MSRA: variants seen among roughly 807,000 people sequenced by gnomAD.
MSRA encodes mitochondrial peptide methionine sulfoxide reductase.
In MSRA, 54 loss-of-function variants were observed where a neutral mutation model predicts 31.3. The ratio of observed to expected loss-of-function variants is 1.73; its 90% confidence interval spans 1.39 to 2.17. The LOEUF is 2.17. MSRA is among the 30% of genes most tolerant of loss of function. The probability of loss-of-function intolerance (pLI) is 0.00; values close to 1 mark genes in which losing one functional copy is unlikely to be tolerated. For synonymous variants in MSRA, 169 were observed against 116.5 expected (o/e 1.45, Z -2.90); for missense variants, 507 against 300.9 (o/e 1.69, Z -5.07).
chr8:10,386,166 G>T (rs1475509113), intron 5 of MSRA, among the ~76,000 whole-genome samples: 2 of 152,146 alleles, frequency 1.3e-5, no homozygotes, highest in Admixed American at 6.5e-5. Flanking sequence ...TTCTTATGCA[G>T]TTCTCTGAGA....
At chr8:10,351,402 C>T (rs889328182) in intron 5 of MSRA, among the ~76,000 whole-genome samples, 7 of 151,880 alleles carry the variant, frequency 4.6e-5, no homozygotes, top group South Asian at 2.1e-4. Context: ...CACAGGCATG[C>T]GCCACCACGC....
chr8:10,417,994 T>C (rs1255925894), intron 5 of MSRA, among the ~76,000 whole-genome samples: 1 of 152,152 alleles, frequency 6.6e-6, no homozygotes, highest in Non-Finnish European at 1.5e-5. Context: ...AAAGCAGCTG[T>C]GCTGGCTCCC....
chr8:10,266,607 GTT>G (rs879628309), intron 3 of MSRA, among the ~76,000 whole-genome samples: 1 of 146,296 alleles, frequency 6.8e-6, no homozygotes. Flanking sequence ...CAGTCTATCG[GTT>G]TTTTTTTTTA....
At chr8:10,406,581 T>C (rs565771431) in intron 5 of MSRA, among the ~76,000 whole-genome samples, 2 of 152,300 alleles carry the variant, frequency 1.3e-5, no homozygotes, top group Non-Finnish European at 2.9e-5. Context: ...CACAGAGTCC[T>C]GGGTGTATTG....
At chr8:10,398,289 C>G (rs899382000) in intron 5 of MSRA, among the ~76,000 whole-genome samples, 9 of 152,206 alleles carry the variant, frequency 5.9e-5, no homozygotes, top group African/African-American at 2.2e-4. Context: ...GGGGGAGCTT[C>G]TCTTCATAGT....
chr8:10,087,891 T>C (rs1798649812), intron 1 of MSRA, among the ~76,000 whole-genome samples: 1 of 152,224 alleles, frequency 6.6e-6, no homozygotes, highest in Admixed American at 6.5e-5. Flanking sequence ...CAGGTAAACC[T>C]CATACATATA....
intron 5 of MSRA, among the ~76,000 whole-genome samples, chr8:10,404,408 C>T (rs941143993): frequency 2.6e-5 from 4 of 152,238 alleles, no homozygotes; most frequent in Admixed American, 6.5e-5. Flanking sequence ...GTCACCACCC[C>T]CCAACCCTCC....
intron 3 of MSRA, among the ~76,000 whole-genome samples, chr8:10,294,700 C>T (rs1019122025): frequency 9.9e-5 from 15 of 152,122 alleles, no homozygotes; most frequent in Non-Finnish European, 1.9e-4. Flanking sequence ...CCTCCTTGCA[C>T]AGGGCTGTCA....
chr8:10,249,332 C>T (rs1328435998), intron 3 of MSRA, among the ~76,000 whole-genome samples: 1 of 152,154 alleles, frequency 6.6e-6, no homozygotes, highest in African/African-American at 2.4e-5. Flanking sequence ...ACAGGTCATT[C>T]TCTCCAAATT....
chr8:10,298,698 T>A (rs150276606), intron 3 of MSRA, among the ~76,000 whole-genome samples: 54 of 152,348 alleles, frequency 3.5e-4, no homozygotes, highest in Admixed American at 9.8e-4. Context: ...CACTAAATCA[T>A]AAAGTAACAG....
At chr8:10,312,412 C>T (rs969679257) in intron 4 of MSRA, among the ~76,000 whole-genome samples, 1 of 152,208 alleles carries the variant, frequency 6.6e-6, no homozygotes, top group East Asian at 1.9e-4. Context: ...AAGTTAGATA[C>T]ATTCTTTAAA....
At chr8:10,066,057 C>G (rs866376261) in intron 1 of MSRA, among the ~76,000 whole-genome samples, 2 of 151,744 alleles carry the variant, frequency 1.3e-5, no homozygotes, top group Non-Finnish European at 2.9e-5. Context: ...GAGTCTTGCT[C>G]TGTCGGCCAG....
chr8:10,096,109 C>T, intron 1 of MSRA: 3 of 1,296,324 alleles, frequency 2.3e-6, no homozygotes, highest in Non-Finnish European at 3.0e-6. Flanking sequence ...TTCAAGGAGC[C>T]TTTCTAAGAT....
chr8:10,385,676 G>C (rs192300010), intron 5 of MSRA, among the ~76,000 whole-genome samples: 4 of 152,284 alleles, frequency 2.6e-5, no homozygotes, highest in Admixed American at 2.6e-4. Flanking sequence ...TCCAGGTGGA[G>C]ATTTCCAAGA....
chr8:10,405,851 A>G (rs966513393), intron 5 of MSRA, among the ~76,000 whole-genome samples: 2 of 152,152 alleles, frequency 1.3e-5, no homozygotes, highest in Admixed American at 6.5e-5. Context: ...ACATGCTCAC[A>G]CACCCATGTA....
At chr8:10,169,366 G>A (rs1001202925) in intron 1 of MSRA, among the ~76,000 whole-genome samples, 1 of 152,242 alleles carries the variant, frequency 6.6e-6, no homozygotes, top group Non-Finnish European at 1.5e-5. Flanking sequence ...TATGTGCTCT[G>A]ATTCTTGCCT....
intron 1 of MSRA, chr8:10,058,858 C>G (rs1185857719): frequency 1.3e-5 from 2 of 152,146 alleles, no homozygotes; most frequent in South Asian, 4.1e-4. Flanking sequence ...TAAGTGTGAT[C>G]TAGTCGTTGA....
intron 3 of MSRA, among the ~76,000 whole-genome samples, chr8:10,287,883 T>A (rs1452249120): frequency 6.6e-6 from 1 of 152,140 alleles, no homozygotes; most frequent in Non-Finnish European, 1.5e-5. Context: ...ACTACCCTTC[T>A]CCAGCAGTAA....
intron 1 of MSRA, among the ~76,000 whole-genome samples, chr8:10,079,748 C>T (rs1423246293): frequency 6.6e-6 from 1 of 152,170 alleles, no homozygotes; most frequent in Non-Finnish European, 1.5e-5. Flanking sequence ...AAGTGTTTCC[C>T]TGTCAACTGG....
Sources: allele counts gnomAD v4.1 joint callset (sites outside exome capture counted in the v4.1 genomes callset), GRCh38; gene constraint gnomAD v4.1.1; transcripts MANE v1.5; gene names NCBI Gene and HGNC (gene_info 2026-07-23, HGNC 2026-07-21).